The following TEX36 variants were observed in gnomAD, a reference collection of about 807,000 sequenced individuals.
TEX36 encodes the protein testis-expressed protein 36.
A neutral mutation model predicts 13.6 loss-of-function variants in TEX36; 12 were observed. The ratio of observed to expected loss-of-function variants is 0.88; its 90% CI spans 0.56 to 1.43. The LOEUF (loss-of-function observed/expected upper bound fraction) is 1.43, where lower values mean the gene tolerates loss of function less well. Ranked by LOEUF, TEX36 falls within the 40% of genes most tolerant of loss-of-function variation. TEX36 has a pLI of 0.00. For missense variants in TEX36, 224 were observed against 228.3 expected (o/e 0.98, Z 0.12); for synonymous variants, 93 against 83.0 (o/e 1.12, Z -0.65).
At chr10:125,582,024 C>A (rs1845889549) in intron 3 of TEX36, among the ~76,000 whole-genome samples, 1 of 152,218 alleles carries the variant, frequency 6.6e-6, no homozygotes, top group African/African-American at 2.4e-5. Flanking sequence ...TAAGCAGGGG[C>A]TCTCACCAGA....
chr10:125,670,431 T>C (rs960465479), intron 1 of TEX36, among the ~76,000 whole-genome samples: 2 of 152,178 alleles, frequency 1.3e-5, no homozygotes, highest in Non-Finnish European at 2.9e-5. Flanking sequence ...TGCCCACTTT[T>C]TAATGGGGTT....
intron 3 of TEX36, among the ~76,000 whole-genome samples, chr10:125,632,118 G>A (rs939604468): frequency 2.0e-5 from 3 of 152,042 alleles, no homozygotes; most frequent in Admixed American, 6.6e-5. Flanking sequence ...TGGGCAAGGG[G>A]CATCTATGAG....
intron 3 of TEX36, among the ~76,000 whole-genome samples, chr10:125,648,272 C>A (rs1036202501): frequency 6.6e-6 from 1 of 152,204 alleles, no homozygotes; most frequent in Non-Finnish European, 1.5e-5. Context: ...CGACCAACAT[C>A]TCATACAGTT....
intron 3 of TEX36, among the ~76,000 whole-genome samples, chr10:125,587,844 A>G (rs1845976424): frequency 6.6e-6 from 1 of 151,678 alleles, no homozygotes; most frequent in Non-Finnish European, 1.5e-5. Context: ...ACACACACAC[A>G]TATACACACG....
downstream of TEX36, among the ~76,000 whole-genome samples, chr10:125,616,871 T>G (rs1320671627): frequency 6.7e-6 from 1 of 149,450 alleles, no homozygotes; most frequent in Non-Finnish European, 1.5e-5. Context: ...ATCTGTCTAA[T>G]GTTGACAGTG....
At chr10:125,597,045 C>G (rs1846088597) in intron 3 of TEX36, among the ~76,000 whole-genome samples, 1 of 152,178 alleles carries the variant, frequency 6.6e-6, no homozygotes, top group African/African-American at 2.4e-5. Flanking sequence ...ACTGCCTGCC[C>G]CAAAAAGAGT....
At chr10:125,608,972 TAA>T (rs35828943) in intron 3 of TEX36, among the ~76,000 whole-genome samples, 911 of 83,286 alleles carry the variant, frequency 0.011, 13 homozygotes, top group African/African-American at 0.039. Flanking sequence ...CCACCTCTAC[TAA>T]AAAAAAAAAA....
chr10:125,667,581 T>C (rs1176961752), intron 1 of TEX36: 3 of 736,318 alleles, frequency 4.1e-6, no homozygotes, highest in Non-Finnish European at 7.7e-6. Context: ...CCTTGGGTGG[T>C]GGTCTCGCCA....
At chr10:125,588,999 G>A (rs1251678733) in intron 3 of TEX36, among the ~76,000 whole-genome samples, 1 of 152,188 alleles carries the variant, frequency 6.6e-6, no homozygotes, top group Non-Finnish European at 1.5e-5. Context: ...GGTCCGCCCC[G>A]TGATTGAAAC....
At chr10:125,590,900 G>C (rs1293845452) in intron 3 of TEX36, among the ~76,000 whole-genome samples, 4 of 152,144 alleles carry the variant, frequency 2.6e-5, no homozygotes, top group Non-Finnish European at 1.5e-5. Context: ...GGCTCCAAAA[G>C]TTGTTCTGTT....
intron 3 of TEX36, among the ~76,000 whole-genome samples, chr10:125,607,558 G>A (rs537077499): frequency 6.6e-5 from 10 of 152,244 alleles, no homozygotes; most frequent in Middle Eastern, 3.4e-3. Flanking sequence ...ATTCATTCAG[G>A]TGCCAAAGAA....
chr10:125,590,245 G>C (rs1846004889), intron 3 of TEX36, among the ~76,000 whole-genome samples: 1 of 151,930 alleles, frequency 6.6e-6, no homozygotes, highest in Admixed American at 6.6e-5. Flanking sequence ...CTGTAGCCAG[G>C]ACTACAGGTG....
chr10:125,632,634 C>T (rs1463064694), intron 3 of TEX36, among the ~76,000 whole-genome samples: 4 of 152,088 alleles, frequency 2.6e-5, no homozygotes, highest in Admixed American at 6.6e-5. Context: ...AAGGAAAGAG[C>T]GGGAGAACAA....
intron 3 of TEX36, among the ~76,000 whole-genome samples, chr10:125,657,342 G>A (rs763598588): frequency 5.5e-4 from 84 of 152,280 alleles, no homozygotes; most frequent in Middle Eastern, 3.4e-3. Context: ...CCAGGACTGA[G>A]GGGACTGGGG....
At chr10:125,589,628 ATTAT>A (rs1443960237) in intron 3 of TEX36, among the ~76,000 whole-genome samples, 3 of 152,236 alleles carry the variant, frequency 2.0e-5, no homozygotes, top group Admixed American at 1.3e-4. Context: ...AGAATCATAT[ATTAT>A]TTATTTGTCT....
chr10:125,590,555 G>A (rs2133532039), intron 3 of TEX36, among the ~76,000 whole-genome samples: 1 of 152,222 alleles, frequency 6.6e-6, no homozygotes, highest in Middle Eastern at 3.4e-3. Flanking sequence ...TCAAAATGCG[G>A]CAGATATTAT....
chr10:125,640,340 G>T (rs1846672430), intron 3 of TEX36: 2 of 363,024 alleles, frequency 5.5e-6, no homozygotes, highest in African/African-American at 2.2e-5. Context: ...AGCATTTGAG[G>T]TTATTTTGGT....
intron 1 of TEX36, among the ~76,000 whole-genome samples, chr10:125,670,057 C>T (rs998865603): frequency 1.1e-4 from 16 of 152,162 alleles, no homozygotes; most frequent in Non-Finnish European, 1.9e-4. Flanking sequence ...CAAGAACATA[C>T]GCATGAATGT....
chr10:125,622,961 G>A (rs1846446352), intron 3 of TEX36, among the ~76,000 whole-genome samples: 1 of 152,198 alleles, frequency 6.6e-6, no homozygotes, highest in Admixed American at 6.5e-5. Context: ...TAGGCTTGCA[G>A]AACATAGTGT....
Sources: allele counts gnomAD v4.1 joint callset (sites outside exome capture counted in the v4.1 genomes callset), GRCh38; gene constraint gnomAD v4.1.1; transcripts MANE v1.5; gene names NCBI Gene and HGNC (gene_info 2026-07-23, HGNC 2026-07-21).